WDR1: variants seen among roughly 807,000 people sequenced by gnomAD.
WDR1 encodes WD repeat-containing protein 1.
In WDR1, 21 loss-of-function variants were observed where a neutral mutation model predicts 71.9. The ratio of observed to expected loss-of-function variants is 0.29; its 90% confidence interval spans 0.21 to 0.42. The LOEUF is 0.42. Ranked by LOEUF, WDR1 falls within the 10% of genes least tolerant of loss-of-function variation. WDR1 has a pLI of 1.00. For missense variants in WDR1, 696 were observed against 824.5 expected (o/e 0.84, Z 1.91); for synonymous variants, 424 against 347.4 (o/e 1.22, Z -2.45).
rs777566578 is a variant in WDR1, at chr4:10,083,071, T to C, written c.1147A>G (p.Ser383Gly). 32 of 1,613,798 alleles carry C rather than the reference T, an allele frequency of 2.0e-5. No individual in the cohort carries two copies. In the South Asian group the frequency reaches 2.7e-4, roughly 14 times the overall value. The change falls in exon 10 of 15, where the codon AGC (serine) becomes GGC (glycine). Residue 383 changes from serine to glycine, a missense_variant. Transcript: ENST00000499869. Reference sequence around the variant, plus strand: ...GTGTACCGCACGGTGTCGTCCATGCTGCAGCTGATGAGCTGCCCCGACTCA... The same window carrying C: ...GTGTACCGCACGGTGTCGTCCATGCCGCAGCTGATGAGCTGCCCCGACTCA... ...VDESGQLISC[S>G]MDDTVRYTSL...
chr4:10,102,992 A>C (rs1712772498), intron 3 of WDR1, among the ~76,000 whole-genome samples: 1 of 151,950 alleles, frequency 6.6e-6, no homozygotes, highest in South Asian at 2.1e-4. Flanking sequence ...AAGGGGTACC[A>C]CTCTCACTCC....
intron 3 of WDR1, among the ~76,000 whole-genome samples, chr4:10,102,699 C>T (rs1366714792): frequency 2.0e-5 from 3 of 152,188 alleles, no homozygotes; most frequent in African/African-American, 7.2e-5. Flanking sequence ...AACCCCAAGG[C>T]CTACCATCTC....
chr4:10,092,751 G>A lies in WDR1; in HGVS notation c.559-4010C>T, dbSNP rs1402215137. 9 of 273,924 alleles carry A rather than the reference G, an allele frequency of 3.3e-5. No individual in the cohort carries two copies. In the East Asian group the frequency reaches 8.5e-4, roughly 26 times the overall value. The allele number at this position is 273,924 out of a possible 1,614,324, so 17.0% of individuals were successfully genotyped here. ...CTAAAAATAGCCCTTTCCACACGGA[G>A]GCCCGGCCAGTGAACAAAGAGGGAG... is the stretch of plus-strand genomic sequence containing the variant. On this transcript the variant is annotated intron_variant, in intron 5 of 14. Coordinates refer to ENST00000499869, the MANE Select transcript of WDR1 (RefSeq NM_017491.5).
chr4:10,104,173 T>C (rs3756223), intron 2 of WDR1, among the ~76,000 whole-genome samples, 187 bp from the exon 3 acceptor site: 68,765 of 152,086 alleles, frequency 0.45, 15,647 homozygotes, highest in East Asian at 0.52. Context: ...CTCTGGGTGA[T>C]AGAATTTCAT....
chr4:10,094,571 A>T (rs1021888224), intron 5 of WDR1: 17 of 152,220 alleles, frequency 1.1e-4, no homozygotes, highest in African/African-American at 4.1e-4. Context: ...AGGGGAACCT[A>T]CCCCTGGGTT....
chr4:10,116,607 G>C, intron 1 of WDR1, 44 bp downstream of exon 1: 2 of 1,191,632 alleles, frequency 1.7e-6, no homozygotes, highest in South Asian at 3.7e-5. Flanking sequence ...CCGGGGCCGG[G>C]GCAGCGCGGC....
intron 7 of WDR1, 124 bp downstream of exon 7, chr4:10,088,169 A>T: frequency 9.6e-7 from 1 of 1,044,346 alleles, no homozygotes. Context: ...GCAGATATAA[A>T]ACCGCCCCGA....
intron 3 of WDR1, 122 bp from the exon 4 acceptor site, chr4:10,099,261 G>A: frequency 1.3e-6 from 1 of 773,946 alleles, no homozygotes; most frequent in Non-Finnish European, 2.1e-6. Context: ...AACCATGTCT[G>A]GTTGCTTAGG....
In WDR1 at chr4:10,088,334, C is replaced by T. The variant is rs745881790; in HGVS notation, c.676G>A (p.Ala226Thr). The T allele has an allele frequency of 2.6e-5, 41 of 1,559,374 alleles. No homozygotes were observed. Among genetic ancestry groups the T allele is most frequent in the South Asian group, 3.6e-5 (3 of 84,416 alleles). ...TCGTGGGCCTTGCTTCCGCCCAGCG[C>T]GCACACCTTCTCCCCAGTCTTCCCG... is the stretch of plus-strand genomic sequence containing the variant. ...YDGKTGEKVC[A>T]LGGSKAHDGG... Residue 226 changes from alanine to threonine, a missense_variant, in exon 7 of 15, where the codon GCG becomes ACG. Transcript: ENST00000499869.
At chr4:10,104,729 C>G (rs1256711398) in intron 2 of WDR1, among the ~76,000 whole-genome samples, 1 of 152,228 alleles carries the variant, frequency 6.6e-6, no homozygotes, top group Non-Finnish European at 1.5e-5. Context: ...CTGGGCTGCT[C>G]TCAATCTGTC....
chr4:10,112,306 T>C (rs183899256), intron 2 of WDR1, among the ~76,000 whole-genome samples: 1 of 152,218 alleles, frequency 6.6e-6, no homozygotes, highest in Non-Finnish European at 1.5e-5. Context: ...GCAGGAAGCC[T>C]TCCTTAGACC....
chr4:10,090,025 A>T (rs1425423480), intron 5 of WDR1, among the ~76,000 whole-genome samples: 2 of 152,204 alleles, frequency 1.3e-5, no homozygotes, highest in African/African-American at 4.8e-5. Flanking sequence ...GGACACAGAT[A>T]CAGAGTTGGG....
intron 3 of WDR1, among the ~76,000 whole-genome samples, chr4:10,100,959 G>A (rs902216224): frequency 7.9e-5 from 12 of 152,358 alleles, no homozygotes; most frequent in African/African-American, 2.9e-4. Flanking sequence ...GCTGCCCCAT[G>A]GAGAAGACAT....
intron 2 of WDR1, chr4:10,115,637 G>A (rs992972578): frequency 1.3e-5 from 2 of 153,284 alleles, no homozygotes; most frequent in African/African-American, 2.4e-5. Context: ...CAGGCGAAGC[G>A]AGAGTGGTCA....
At position 10,081,371 on chromosome 4, in the gene WDR1, C is replaced by G; in HGVS notation, c.1270G>C (p.Val424Leu). Residue 424 changes from valine to leucine, a missense_variant, in exon 11 of 15, where the codon GTG becomes CTG. Physicochemically the swap from Val to Leu is conservative, Grantham distance 32 (BLOSUM62 1). Coordinates refer to ENST00000499869, the MANE Select transcript of WDR1 (RefSeq NM_017491.5). ...CAGGTCCCTACCTGTCCAATGCACA[C>G]GACCACGGCGTATCCCCCGGGGCCG... is the stretch of plus-strand genomic sequence containing the variant. ...AVGPGGYAVV[V>L]CIGQIVLLKD... The G allele has an allele frequency of 6.2e-7, 1 of 1,613,940 alleles. No individual in the cohort carries two copies. The highest frequency in any genetic ancestry group is 8.5e-7 in the Non-Finnish European group (1 of 1,179,870).
chr4:10,080,181 C>A (rs1371423253), intron 11 of WDR1, among the ~76,000 whole-genome samples: 1 of 152,212 alleles, frequency 6.6e-6, no homozygotes, highest in African/African-American at 2.4e-5. Flanking sequence ...CTGGGCCAGT[C>A]TGAACATCCT....
rs534384950 is a variant in WDR1 at position 10,081,183 on chromosome 4, C to T, written c.1284+174G>A. On this transcript the variant is annotated intron_variant, in intron 11 of 14. Transcript: ENST00000499869. ...CCGTGCCTCCATTTCTTCATCTGTACAACTGATGTGATGGTGGTGAGGATT... is the reference window on the plus strand; with the variant it reads ...CCGTGCCTCCATTTCTTCATCTGTATAACTGATGTGATGGTGGTGAGGATT... Among the ~76,000 whole-genome samples the T allele has an allele frequency of 3.3e-5, 5 of 152,210 alleles. 1 individual carries two copies. The highest frequency in any genetic ancestry group is 2.0e-4 in the Admixed American group (3 of 15,282).
chr4:10,090,752 C>T (rs894552110), intron 5 of WDR1, among the ~76,000 whole-genome samples: 4 of 152,204 alleles, frequency 2.6e-5, no homozygotes, highest in African/African-American at 4.8e-5. Context: ...AGATGAAAGC[C>T]GGAGAAATCA....
At chr4:10,112,968 A>G (rs532595056) in intron 2 of WDR1, among the ~76,000 whole-genome samples, 1 of 152,186 alleles carries the variant, frequency 6.6e-6, no homozygotes, top group African/African-American at 2.4e-5. Context: ...CTTGCTTCCT[A>G]CTTATTGTCA....
Sources: allele counts gnomAD v4.1 joint callset (sites outside exome capture counted in the v4.1 genomes callset), GRCh38; gene constraint gnomAD v4.1.1; transcripts MANE v1.5; gene names NCBI Gene and HGNC (gene_info 2026-07-23, HGNC 2026-07-21).